CCDC7: variants seen among roughly 807,000 people sequenced by gnomAD.
CCDC7 encodes the protein coiled-coil domain containing 7.
In CCDC7, 183 loss-of-function variants were observed where a neutral mutation model predicts 196.9. That is an observed-to-expected ratio of 0.93 (90% CI 0.82 to 1.05). The LOEUF (loss-of-function observed/expected upper bound fraction) is 1.05. Ranked by LOEUF, CCDC7 falls within the 50% of genes least tolerant of loss-of-function variation. The pLI, the probability that CCDC7 is intolerant of heterozygous loss-of-function variation, is 0.00. For synonymous variants in CCDC7, 525 were observed against 484.6 expected (o/e 1.08, Z -1.10); for missense variants, 1,540 against 1,482.2 (o/e 1.04, Z -0.64).
rs1258977034 is a variant in CCDC7 at position 32,696,368 on chromosome 10, A to G, written c.2458+1376A>G. Among the ~76,000 whole-genome samples, 3 of 152,106 alleles carry G rather than the reference A, an allele frequency of 2.0e-5. No individual in the cohort carries two copies. In the East Asian group the frequency reaches 5.8e-4, roughly 29 times the overall value. On this transcript the variant is annotated intron_variant, in intron 24 of 41. Coordinates refer to ENST00000639629, the Ensembl canonical transcript of CCDC7. ...CAGTCGCCTGTGCACTATTATGCAA[A>G]AGGCCCAAGAAATGAAATTCTCCAT... is the stretch of plus-strand genomic sequence containing the variant.
At chr10:32,821,094 T>C (rs1210106062) in intron 31 of CCDC7, among the ~76,000 whole-genome samples, 1 of 152,160 alleles carries the variant, frequency 6.6e-6, no homozygotes, top group Non-Finnish European at 1.5e-5. Context: ...ATCCAGAATC[T>C]ACAATGAACT....
chr10:32,533,171 GTATAGATA>G (rs1259196757), intron 11 of CCDC7, among the ~76,000 whole-genome samples: 2 of 150,708 alleles, frequency 1.3e-5, no homozygotes, highest in African/African-American at 4.9e-5. Flanking sequence ...AAAGAACATT[GTATAGATA>G]TAACAAGTTG....
intron 16 of CCDC7, among the ~76,000 whole-genome samples, chr10:32,578,565 C>A (rs117073587): frequency 0.039 from 5,857 of 151,526 alleles, 123 homozygotes; most frequent in Middle Eastern, 0.051. Context: ...CAAACTAGAT[C>A]CCTCACATGT....
chr10:32,736,602 C>T (rs1036386635), intron 28 of CCDC7, among the ~76,000 whole-genome samples: 1 of 151,310 alleles, frequency 6.6e-6, no homozygotes, highest in African/African-American at 2.4e-5. Flanking sequence ...CATGTGTTCT[C>T]ATTGTTTAGT....
At chr10:32,849,651 C>T (rs2093461341) in intron 39 of CCDC7, among the ~76,000 whole-genome samples, 1 of 143,346 alleles carries the variant, frequency 7.0e-6, no homozygotes, top group Non-Finnish European at 1.5e-5. Context: ...TGCAGTGAGC[C>T]GAGATCACGC....
intron 2 of CCDC7, among the ~76,000 whole-genome samples, chr10:32,455,073 T>C (rs2034013829): frequency 1.3e-5 from 2 of 152,312 alleles, no homozygotes; most frequent in African/African-American, 2.4e-5. Context: ...AATCAATTTC[T>C]ATCTTCTCTG....
chr10:32,738,500 G>T, intron 28 of CCDC7, among the ~76,000 whole-genome samples: 1 of 114,940 alleles, frequency 8.7e-6, no homozygotes, highest in Admixed American at 1.1e-4. Flanking sequence ...TTTTTGACAG[G>T]GCCTTGCTTT....
chr10:32,491,930 CATT>C, exon 9 of CCDC7: 1 of 1,560,094 alleles, frequency 6.4e-7, no homozygotes, highest in Non-Finnish European at 8.6e-7. Context: ...AGAAACTGCT[CATT>C]CAATGACTAA....
intron 5 of CCDC7, among the ~76,000 whole-genome samples, chr10:32,470,792 G>T (rs1236338774): frequency 6.6e-6 from 1 of 152,018 alleles, no homozygotes; most frequent in Admixed American, 6.6e-5. Flanking sequence ...ATTGTTATTG[G>T]ACTTGCTTAA....
intron 18 of CCDC7, among the ~76,000 whole-genome samples, chr10:32,600,301 G>GTTTTT (rs35364422): frequency 6.8e-6 from 1 of 146,260 alleles, no homozygotes. Flanking sequence ...TATATTTCTA[G>GTTTTT]TTTTTTTTTT....
chr10:32,679,725 G>A (rs964124452), intron 21 of CCDC7, among the ~76,000 whole-genome samples: 1 of 152,104 alleles, frequency 6.6e-6, no homozygotes, highest in South Asian at 2.1e-4. Flanking sequence ...CTATTTGGGG[G>A]GTTGCATGTT....
At chr10:32,848,675 A>G (rs1306305951) in exon 39 of CCDC7, 1 of 1,553,758 alleles carries the variant, frequency 6.4e-7, no homozygotes, top group Non-Finnish European at 8.9e-7. Flanking sequence ...CACCAAGTAA[A>G]TTCCCAACAA....
In CCDC7 at chr10:32,845,617, A is replaced by C. The variant is rs1565688568; in HGVS notation, c.3511A>C (p.Ser1171Arg). ...GGAGTCAACCACGACACAATTAAAA[A>C]GTCACCCAGGTAAGAGAAAACAATT... Residue 1171 changes from serine (S) to arginine (R), a missense_variant, in exon 35 of 42, where the codon AGT becomes CGT. Physicochemically the swap from Ser to Arg is moderately radical, Grantham distance 110 (BLOSUM62 -1). Coordinates refer to ENST00000639629, the Ensembl canonical transcript of CCDC7. The C allele has an allele frequency of 3.1e-6, 5 of 1,611,110 alleles. No individual in the cohort carries two copies. In the East Asian group the frequency reaches 6.7e-5, roughly 22 times the overall value.
intron 8 of CCDC7, among the ~76,000 whole-genome samples, chr10:32,484,901 A>G (rs567549555): frequency 6.6e-6 from 1 of 152,328 alleles, no homozygotes; most frequent in East Asian, 1.9e-4. Context: ...TTGGTTTGCC[A>G]GTATTTTACT....
At chr10:32,879,257 C>T (rs1382201249), downstream of CCDC7, among the ~76,000 whole-genome samples, 1 of 152,104 alleles carries the variant, frequency 6.6e-6, no homozygotes, top group Non-Finnish European at 1.5e-5. Context: ...AACTGAATTG[C>T]ATCCATAGCA....
At chr10:32,752,988 G>T (rs1018388985) in intron 28 of CCDC7, among the ~76,000 whole-genome samples, 1 of 152,076 alleles carries the variant, frequency 6.6e-6, no homozygotes, top group Non-Finnish European at 1.5e-5. Flanking sequence ...TTAATTGATG[G>T]TTATTCAGCT....
chr10:32,512,519 A>AT (rs1420135540), intron 9 of CCDC7: 1 of 152,234 alleles, frequency 6.6e-6, no homozygotes, highest in Non-Finnish European at 1.5e-5. Context: ...AAAGGCATCC[A>AT]TGTGGTTAAA....
intron 24 of CCDC7, among the ~76,000 whole-genome samples, chr10:32,700,392 C>A (rs1401785720): frequency 6.8e-6 from 1 of 147,246 alleles, no homozygotes; most frequent in Non-Finnish European, 1.5e-5. Flanking sequence ...TCTGAGGGCT[C>A]TATTGTGTTC....
chr10:32,668,827 G>A (rs1346633945), intron 21 of CCDC7, among the ~76,000 whole-genome samples: 1 of 151,858 alleles, frequency 6.6e-6, no homozygotes, highest in Non-Finnish European at 1.5e-5. Flanking sequence ...TCTATATATT[G>A]GTTTATGTTA....
Sources: gnomAD v4.1 joint callset for allele counts (sites outside exome capture counted in the v4.1 genomes callset) on GRCh38, gnomAD v4.1.1 for gene constraint, MANE v1.5 for transcripts, NCBI Gene and HGNC (gene_info 2026-07-23, HGNC 2026-07-21) for gene names.